KCNMA1: variants seen among roughly 807,000 people sequenced by gnomAD.
KCNMA1 encodes the protein potassium calcium-activated channel subfamily M alpha 1.
Under a neutral mutation model 140.0 loss-of-function variants are expected in KCNMA1, and 29 were observed. The observed-to-expected ratio is 0.21, with a 90% CI of 0.15 to 0.28. The LOEUF (loss-of-function observed/expected upper bound fraction) is 0.28, where lower values mean the gene tolerates loss of function less well. Among genes scored for constraint, KCNMA1 ranks in the 10% least tolerant of loss-of-function variants. KCNMA1 has a pLI of 1.00. For missense variants in KCNMA1, 880 were observed against 1,602.2 expected (o/e 0.55, Z 7.70); for synonymous variants, 612 against 611.9 (o/e 1.00, Z 0.00).
At chr10:77,419,742 C>T (rs938187748) in intron 1 of KCNMA1, among the ~76,000 whole-genome samples, 1 of 152,192 alleles carries the variant, frequency 6.6e-6, no homozygotes, top group African/African-American at 2.4e-5. Context: ...AGGGACCCAT[C>T]GTCATTGCCA....
intron 2 of KCNMA1, among the ~76,000 whole-genome samples, chr10:77,268,436 G>C (rs2064016375): frequency 6.6e-6 from 1 of 152,094 alleles, no homozygotes. Context: ...ATGAGTAAGT[G>C]TTGTTTTTTT....
chr10:77,450,797 C>T (rs929545174), intron 1 of KCNMA1, among the ~76,000 whole-genome samples: 3 of 152,190 alleles, frequency 2.0e-5, no homozygotes, highest in Non-Finnish European at 4.4e-5. Context: ...AATGGTTTGG[C>T]TCTGTGTCCC....
At chr10:77,212,912 A>T (rs555233038) in intron 3 of KCNMA1, among the ~76,000 whole-genome samples, 1 of 152,314 alleles carries the variant, frequency 6.6e-6, no homozygotes, top group African/African-American at 2.4e-5. Flanking sequence ...TCCAAATCAC[A>T]TCATTCCTTT....
intron 25 of KCNMA1, among the ~76,000 whole-genome samples, chr10:76,896,396 T>C (rs1167855862): frequency 1.3e-5 from 2 of 152,198 alleles, no homozygotes; most frequent in African/African-American, 4.8e-5. Flanking sequence ...TATCCTGTTC[T>C]TAAGGTGCCC....
chr10:76,970,180 T>C, intron 19 of KCNMA1, 113 bp from the exon 20 acceptor site: 4 of 848,012 alleles, frequency 4.7e-6, no homozygotes, highest in Non-Finnish European at 7.9e-6. Context: ...TAGGAATTCA[T>C]GGCTGTCTTT....
chr10:76,949,514 T>C, intron 21 of KCNMA1, 148 bp from the exon 22 acceptor site: 1 of 710,640 alleles, frequency 1.4e-6, no homozygotes, highest in Non-Finnish European at 2.5e-6. Context: ...CAATGTTATA[T>C]ACATGCCATA....
intron 19 of KCNMA1, among the ~76,000 whole-genome samples, chr10:76,985,380 A>T (rs1306076052): frequency 1.3e-5 from 2 of 152,216 alleles, no homozygotes; most frequent in Non-Finnish European, 2.9e-5. Context: ...AAATCAGGAA[A>T]ATGCATTATA....
At chr10:77,136,907 G>A (rs1435028683) in intron 5 of KCNMA1, among the ~76,000 whole-genome samples, 1 of 152,164 alleles carries the variant, frequency 6.6e-6, no homozygotes, top group Admixed American at 6.5e-5. Flanking sequence ...TCAGTCACAT[G>A]AGACCATTGG....
intron 1 of KCNMA1, among the ~76,000 whole-genome samples, chr10:77,459,818 C>A (rs1053824776): frequency 2.0e-5 from 3 of 152,224 alleles, no homozygotes; most frequent in Admixed American, 6.5e-5. Flanking sequence ...TTCCTCACTG[C>A]GTGGCCTTAG....
intron 2 of KCNMA1, among the ~76,000 whole-genome samples, chr10:77,252,944 G>A (rs2059970539): frequency 2.7e-5 from 4 of 150,512 alleles, no homozygotes; most frequent in Non-Finnish European, 5.9e-5. Context: ...ATTATCACCC[G>A]CCCAGCACTA....
At chr10:77,120,016 G>A (rs180857538) in intron 6 of KCNMA1, among the ~76,000 whole-genome samples, 1 of 152,262 alleles carries the variant, frequency 6.6e-6, no homozygotes, top group East Asian at 1.9e-4. Flanking sequence ...TGTGTTACCA[G>A]GAAAATGATG....
intron 5 of KCNMA1, among the ~76,000 whole-genome samples, chr10:77,134,573 A>C (rs2153998690): frequency 6.6e-6 from 1 of 152,330 alleles, no homozygotes; most frequent in South Asian, 2.1e-4. Flanking sequence ...GTATTGAGAA[A>C]GAGCCCCATG....
intron 1 of KCNMA1, among the ~76,000 whole-genome samples, chr10:77,423,887 C>T (rs2096921421): frequency 6.6e-6 from 1 of 152,164 alleles, no homozygotes; most frequent in Non-Finnish European, 1.5e-5. Context: ...TCTCTCTTCC[C>T]TCCCAAGGCC....
chr10:76,921,653 A>C (rs1248069730), intron 23 of KCNMA1, among the ~76,000 whole-genome samples: 1 of 152,230 alleles, frequency 6.6e-6, no homozygotes, highest in Non-Finnish European at 1.5e-5. Flanking sequence ...TAGCCACAGC[A>C]GTCATTTTTG....
intron 2 of KCNMA1, among the ~76,000 whole-genome samples, chr10:77,338,049 G>A (rs772681615): frequency 3.9e-5 from 6 of 152,142 alleles, no homozygotes; most frequent in Non-Finnish European, 5.9e-5. Flanking sequence ...TGTTATTGGC[G>A]CCTCTCTTTA....
At chr10:77,235,637 C>T (rs1214345759) in intron 3 of KCNMA1, among the ~76,000 whole-genome samples, 1 of 152,128 alleles carries the variant, frequency 6.6e-6, no homozygotes, top group African/African-American at 2.4e-5. Context: ...TGCAGAGGAG[C>T]CAAGGGAAGG....
At chr10:77,629,539 G>A (rs1468221522) in intron 1 of KCNMA1, among the ~76,000 whole-genome samples, 1 of 152,126 alleles carries the variant, frequency 6.6e-6, no homozygotes, top group African/African-American at 2.4e-5. Flanking sequence ...GCTAACTACT[G>A]GAAAGAGCCT....
Position 76,884,947 on chromosome 10 carries a change from C to T in KCNMA1, c.*2319G>A. ...AAGGACAACGTTATAGAAGAAAACC[C>T]CCAGCAGTGGCTAGGTCATGCAGAA... On this transcript the variant is annotated 3_prime_UTR_variant, in exon 28 of 28. Transcript: ENST00000286628. 2 of 1,524,904 alleles carry T rather than the reference C, an allele frequency of 1.3e-6. No homozygotes were observed. Among genetic ancestry groups the T allele is most frequent in the Non-Finnish European group, 1.8e-6 (2 of 1,136,066 alleles). 94.5% of individuals were successfully genotyped at this position (1,524,904 alleles called of 1,614,324 possible). A position where few individuals can be genotyped will look rare whatever the true frequency, so the allele number is the denominator to read the frequency against.
intron 1 of KCNMA1, among the ~76,000 whole-genome samples, chr10:77,466,009 C>G (rs2097998477): frequency 1.3e-5 from 2 of 152,224 alleles, no homozygotes; most frequent in African/African-American, 4.8e-5. Context: ...CTGGCAGGAG[C>G]TCAGTGGGCA....
Sources: gnomAD v4.1 joint callset for allele counts (sites outside exome capture counted in the v4.1 genomes callset) on GRCh38, gnomAD v4.1.1 for gene constraint, MANE v1.5 for transcripts, NCBI Gene and HGNC (gene_info 2026-07-23, HGNC 2026-07-21) for gene names.